KDM5B: variants seen among roughly 807,000 people sequenced by gnomAD.
KDM5B encodes the protein lysine-specific demethylase 5B.
KDM5B carries 144 observed loss-of-function variants against 193.4 expected under a neutral mutation model. That is an observed-to-expected ratio of 0.74 (90% CI 0.65 to 0.86). The LOEUF is 0.86. KDM5B is among the 40% of genes least tolerant of loss of function. The pLI is 0.00. For missense variants in KDM5B, 1,833 were observed against 1,886.9 expected (o/e 0.97, Z 0.53); for synonymous variants, 668 against 682.6 (o/e 0.98, Z 0.33).
intron 1 of KDM5B, among the ~76,000 whole-genome samples, chr1:202,783,666 A>C (rs1190061228): frequency 6.6e-6 from 1 of 152,172 alleles, no homozygotes; most frequent in Non-Finnish European, 1.5e-5. Flanking sequence ...TCATGAGGTC[A>C]GGAGATCAAG....
chr1:202,743,482 TAGTG>T (rs1461820625), intron 16 of KDM5B, among the ~76,000 whole-genome samples: 2 of 152,198 alleles, frequency 1.3e-5, no homozygotes, highest in African/African-American at 4.8e-5. Flanking sequence ...ATTCTGCAGT[TAGTG>T]AGTAACTAGT....
At chr1:202,753,175 A>C in intron 11 of KDM5B, 108 bp from the exon 12 acceptor site, 1 of 933,644 alleles carries the variant, frequency 1.1e-6, no homozygotes, top group Admixed American at 2.4e-5. Flanking sequence ...GCAAAAAAGG[A>C]ATCCACAAAC....
rs141810009 is a variant in KDM5B at position 202,731,881 on chromosome 1, G to C, written c.3968C>G (p.Thr1323Ser). The part of the protein sequence containing the change: ...FSLPDDWDNR[T>S]SYLHSPFSTG... ...TGAGAAGGGGGAGTGCAAATATGAG[G>C]TTCTGTTGTCCCAGTCATCAGGCAA... The change falls in exon 24 of 27, where the codon ACC (threonine) becomes AGC (serine). Residue 1323 changes from threonine (T) to serine (S), a missense_variant. Thr to Ser is a moderately conservative substitution (Grantham distance 58, BLOSUM62 1). Transcript: ENST00000367265. 28 of 1,613,562 alleles carry C rather than the reference G, an allele frequency of 1.7e-5. No homozygotes were observed. Among genetic ancestry groups the C allele is most frequent in the Non-Finnish European group, 2.2e-5 (26 of 1,179,824 alleles).
At chr1:202,801,046 C>T (rs1190664693) in intron 1 of KDM5B, among the ~76,000 whole-genome samples, 2 of 152,192 alleles carry the variant, frequency 1.3e-5, no homozygotes, top group African/African-American at 2.4e-5. Context: ...CTAAGCTAAG[C>T]TGTTCTTTAC....
chr1:202,733,150 G>C (rs907965744), intron 23 of KDM5B, among the ~76,000 whole-genome samples: 1 of 152,186 alleles, frequency 6.6e-6, no homozygotes, highest in African/African-American at 2.4e-5. Flanking sequence ...AAAATTATTT[G>C]TATCTGTGAA....
At chr1:202,799,380 G>A (rs1331513161) in intron 1 of KDM5B, among the ~76,000 whole-genome samples, 2 of 152,186 alleles carry the variant, frequency 1.3e-5, no homozygotes, top group African/African-American at 2.4e-5. Flanking sequence ...TAACCCGGGC[G>A]CGGTGGCTCG....
chr1:202,801,694 G>C (rs1445588618), intron 1 of KDM5B, among the ~76,000 whole-genome samples: 1 of 151,990 alleles, frequency 6.6e-6, no homozygotes, highest in Non-Finnish European at 1.5e-5. Context: ...GGACACAGCA[G>C]TTAATAAATA....
In KDM5B at chr1:202,789,798, G is replaced by C. The variant is rs142175840; in HGVS notation, c.205-12704C>G. ...GAAGCAAGCCTGAGCAACACAGTGA[G>C]ATACCATCTCTACAAAATGTTAAAA... On this transcript the variant is annotated intron_variant, in intron 1 of 26. Transcript: ENST00000367265. Among the ~76,000 whole-genome samples, 12 of 151,978 alleles carry C rather than the reference G, an allele frequency of 7.9e-5. No homozygotes were observed. In the East Asian group the frequency reaches 2.3e-3, roughly 30 times the overall value.
chr1:202,785,767 C>T (rs1004917064), intron 1 of KDM5B, among the ~76,000 whole-genome samples: 1 of 151,912 alleles, frequency 6.6e-6, no homozygotes, highest in Non-Finnish European at 1.5e-5. Context: ...AAAGTTAGCT[C>T]GGTGTGGTGG....
At chr1:202,789,494 G>C (rs1056399814) in intron 1 of KDM5B, among the ~76,000 whole-genome samples, 1 of 146,688 alleles carries the variant, frequency 6.8e-6, no homozygotes, top group Non-Finnish European at 1.5e-5. Context: ...CTGAGATGGC[G>C]CCACTGAACT....
intron 1 of KDM5B, among the ~76,000 whole-genome samples, chr1:202,777,374 C>T (rs1657002362): frequency 6.8e-6 from 1 of 146,290 alleles, no homozygotes; most frequent in Admixed American, 6.8e-5. Flanking sequence ...AAAAAAAACA[C>T]TCATTTAGGC....
intron 4 of KDM5B, among the ~76,000 whole-genome samples, chr1:202,771,150 T>C (rs1405507404): frequency 1.3e-5 from 2 of 152,226 alleles, no homozygotes; most frequent in African/African-American, 2.4e-5. Context: ...TATGGGCAAC[T>C]GTATCTAGAT....
At chr1:202,734,303 A>AC (rs1466069462) in intron 22 of KDM5B, among the ~76,000 whole-genome samples, 2 of 151,192 alleles carry the variant, frequency 1.3e-5, no homozygotes, top group African/African-American at 2.4e-5. Flanking sequence ...CTATTAAAAA[A>AC]AAAAAAAAAA....
chr1:202,781,998 G>A (rs913570303), intron 1 of KDM5B, among the ~76,000 whole-genome samples: 9 of 87,904 alleles, frequency 1.0e-4, no homozygotes, highest in Non-Finnish European at 2.7e-4. Context: ...TTCTATGTAT[G>A]AATATATACA....
At position 202,748,701 on chromosome 1, in the gene KDM5B, T is replaced by C. The variant is rs552737351; in HGVS notation, c.2016+244A>G. Among the ~76,000 whole-genome samples, 380 of 152,232 alleles carry C rather than the reference T, an allele frequency of 2.5e-3. 1 individual carries two copies. Among genetic ancestry groups the C allele is most frequent in the African/African-American group, 8.8e-3 (366 of 41,544 alleles). ...CTGGGCAACATAGTGAGACCCTGTT[T>C]CTACAAAACATTTTTTTTAAAGGGG... On this transcript the variant is annotated intron_variant, in intron 14 of 26. Coordinates refer to ENST00000367265, the MANE Select transcript of KDM5B (RefSeq NM_006618.5).
At chr1:202,766,141 G>A (rs1312580329) in intron 5 of KDM5B, among the ~76,000 whole-genome samples, 2 of 152,152 alleles carry the variant, frequency 1.3e-5, no homozygotes, top group Non-Finnish European at 2.9e-5. Context: ...CCTGAGCCTG[G>A]GAGTTCAAAG....
At chr1:202,729,569 G>T (rs949039170) in intron 26 of KDM5B, 138 bp downstream of exon 26, 21 of 692,966 alleles carry the variant, frequency 3.0e-5, no homozygotes, top group Non-Finnish European at 4.7e-5. Context: ...AGATATCAGT[G>T]GGGGAAGGGC....
chr1:202,770,774 G>A (rs1177409416), intron 4 of KDM5B, among the ~76,000 whole-genome samples: 1 of 152,190 alleles, frequency 6.6e-6, no homozygotes, highest in Non-Finnish European at 1.5e-5. Flanking sequence ...GAAGTAACAG[G>A]TGGAAGGATC....
At chr1:202,807,468 C>T (rs1402145506) in intron 1 of KDM5B, among the ~76,000 whole-genome samples, 1 of 151,706 alleles carries the variant, frequency 6.6e-6, no homozygotes, top group African/African-American at 2.4e-5. Flanking sequence ...CTTCTTGACC[C>T]CGGCCCGGGG....
Sources: gnomAD v4.1 joint callset for allele counts (sites outside exome capture counted in the v4.1 genomes callset) on GRCh38, gnomAD v4.1.1 for gene constraint, MANE v1.5 for transcripts, NCBI Gene and HGNC (gene_info 2026-07-23, HGNC 2026-07-21) for gene names.